Variants in KLHL1 observed in about 807,000 individuals in gnomAD.
KLHL1 encodes kelch-like protein 1.
A neutral mutation model predicts 77.7 loss-of-function variants in KLHL1; 47 were observed. That is an observed-to-expected ratio of 0.60 (90% CI 0.48 to 0.77). KLHL1 has a LOEUF of 0.77. KLHL1 is among the 30% of genes least tolerant of loss of function. The probability of loss-of-function intolerance (pLI) is 0.00; values close to 1 mark genes in which losing one functional copy is unlikely to be tolerated. For synonymous variants in KLHL1, 360 were observed against 325.2 expected, an observed-to-expected ratio of 1.11 and a Z score of -1.15; for missense variants, 925 against 910.8, an observed-to-expected ratio of 1.02 and a Z score of -0.20.
At chr13:69,762,563 A>C (rs1489623887) in intron 7 of KLHL1, among the ~76,000 whole-genome samples, 1 of 151,222 alleles carries the variant, frequency 6.6e-6, no homozygotes, top group Non-Finnish European at 1.5e-5. Flanking sequence ...GAAAACTTTA[A>C]AACTTTGAAT....
chr13:70,000,781 C>A (rs1885268033), intron 1 of KLHL1, among the ~76,000 whole-genome samples: 1 of 151,268 alleles, frequency 6.6e-6, no homozygotes, highest in East Asian at 1.9e-4. Flanking sequence ...TACAATGTTA[C>A]ATTAAATAGT....
At chr13:69,985,102 ACT>A (rs1392414485) in intron 1 of KLHL1, among the ~76,000 whole-genome samples, 18 of 151,740 alleles carry the variant, frequency 1.2e-4, no homozygotes, top group Admixed American at 1.2e-3. Flanking sequence ...ACAGAGCGAG[ACT>A]CTGTCTCAAA....
At chr13:69,753,156 C>T (rs922852226) in intron 7 of KLHL1, among the ~76,000 whole-genome samples, 2 of 152,144 alleles carry the variant, frequency 1.3e-5, no homozygotes, top group African/African-American at 4.8e-5. Context: ...TGCTCTCTTC[C>T]TCTCTGTCTT....
chr13:69,760,463 C>A (rs1239146415), intron 7 of KLHL1, among the ~76,000 whole-genome samples: 1 of 152,036 alleles, frequency 6.6e-6, no homozygotes, highest in Non-Finnish European at 1.5e-5. Context: ...TCAAGCGATT[C>A]TCCTGCCTCA....
chr13:69,761,727 T>C (rs543588668), intron 7 of KLHL1, among the ~76,000 whole-genome samples: 3 of 152,176 alleles, frequency 2.0e-5, no homozygotes, highest in Non-Finnish European at 2.9e-5. Flanking sequence ...AAATTGGTCC[T>C]TGAAAGGATA....
intron 4 of KLHL1, among the ~76,000 whole-genome samples, chr13:69,937,584 G>A (rs1883225751): frequency 6.6e-6 from 1 of 152,124 alleles, no homozygotes; most frequent in Non-Finnish European, 1.5e-5. Context: ...CTATTCTGGT[G>A]CTATCTCTAT....
chr13:69,852,571 C>G (rs772777692), intron 5 of KLHL1, among the ~76,000 whole-genome samples: 1 of 151,946 alleles, frequency 6.6e-6, no homozygotes, highest in Non-Finnish European at 1.5e-5. Context: ...CAGCATTTTG[C>G]TTCCTCATTT....
intron 1 of KLHL1, among the ~76,000 whole-genome samples, chr13:70,098,434 T>C (rs868066783): frequency 4.6e-5 from 7 of 151,896 alleles, no homozygotes; most frequent in African/African-American, 1.7e-4. Flanking sequence ...TTTAAATCTA[T>C]ACTTTTACAT....
intron 1 of KLHL1, among the ~76,000 whole-genome samples, chr13:70,021,831 T>G (rs1885805594): frequency 6.6e-6 from 1 of 151,890 alleles, no homozygotes; most frequent in Non-Finnish European, 1.5e-5. Context: ...AAGAAATTGG[T>G]TTTTGTTTTG....
At chr13:69,741,616 A>G (rs1003719705) in intron 7 of KLHL1, among the ~76,000 whole-genome samples, 2 of 152,148 alleles carry the variant, frequency 1.3e-5, no homozygotes. Flanking sequence ...AAGTGACCTT[A>G]CTGTTTCCCT....
rs540598062 is a variant in KLHL1 at position 69,762,605 on chromosome 13, C to A, written c.1640-22049G>T. ...CTCATAATCTCACAAATCAGAAGGGCTGCTCCAGACTCTTGGAACTGTGCA... is the reference window on the plus strand; with the variant it reads ...CTCATAATCTCACAAATCAGAAGGGATGCTCCAGACTCTTGGAACTGTGCA... On this transcript the variant is annotated intron_variant, in intron 7 of 10. Transcript: ENST00000377844. Among the ~76,000 whole-genome samples, 31 of 150,516 alleles carry A rather than the reference C, an allele frequency of 2.1e-4. 1 individual carries two copies. The South Asian group carries it at 6.6e-3, about 32-fold the overall frequency.
intron 1 of KLHL1, among the ~76,000 whole-genome samples, chr13:70,055,686 TAG>T (rs1440988127): frequency 6.6e-6 from 1 of 152,104 alleles, no homozygotes; most frequent in Admixed American, 6.5e-5. Context: ...AGTGAAAGTG[TAG>T]AGTTTTTAAC....
chr13:70,056,116 CAT>C (rs1399951890), intron 1 of KLHL1, among the ~76,000 whole-genome samples: 23 of 151,928 alleles, frequency 1.5e-4, no homozygotes, highest in Non-Finnish European at 3.1e-4. Context: ...CCTATAAAGA[CAT>C]GTGCAGACTG....
chr13:69,813,503 C>CACACACACATATATAT (rs34163072), intron 6 of KLHL1, among the ~76,000 whole-genome samples: 7 of 148,926 alleles, frequency 4.7e-5, no homozygotes, highest in African/African-American at 1.7e-4. Context: ...CACACACACA[C>CACACACACATATATAT]ATATATATAT....
chr13:69,890,004 G>C (rs1881366437), intron 4 of KLHL1, among the ~76,000 whole-genome samples: 1 of 151,918 alleles, frequency 6.6e-6, no homozygotes, highest in Non-Finnish European at 1.5e-5. Flanking sequence ...TGTTTTATGG[G>C]ATTCTTTCTC....
chr13:70,041,373 T>C (rs1339808392), intron 1 of KLHL1, among the ~76,000 whole-genome samples: 2 of 152,244 alleles, frequency 1.3e-5, no homozygotes, highest in Non-Finnish European at 2.9e-5. Flanking sequence ...ATCTGTGCTT[T>C]AGCATAAGAC....
intron 1 of KLHL1, among the ~76,000 whole-genome samples, chr13:70,078,277 G>A (rs931944464): frequency 6.6e-6 from 1 of 151,644 alleles, no homozygotes; most frequent in African/African-American, 2.4e-5. Context: ...CAGAAAAGGA[G>A]ATTTAATTTC....
chr13:69,837,021 T>A (rs1879020853), intron 6 of KLHL1, among the ~76,000 whole-genome samples: 1 of 152,048 alleles, frequency 6.6e-6, no homozygotes, highest in Admixed American at 6.6e-5. Flanking sequence ...CGACTCTTTA[T>A]ATTTTGTTAT....
intron 1 of KLHL1, among the ~76,000 whole-genome samples, chr13:70,015,183 A>G (rs1409096037): frequency 2.0e-5 from 3 of 152,120 alleles, no homozygotes; most frequent in South Asian, 4.1e-4. Flanking sequence ...AATTTCATCC[A>G]CTTGTGAACA....
Sources: gnomAD v4.1 joint callset for allele counts (sites outside exome capture counted in the v4.1 genomes callset) on GRCh38, gnomAD v4.1.1 for gene constraint, MANE v1.5 for transcripts, NCBI Gene and HGNC (gene_info 2026-07-23, HGNC 2026-07-21) for gene names.